Variants in FAM135B observed in about 807,000 individuals in gnomAD.
The protein encoded by FAM135B is family with sequence similarity 135 member B.
A neutral mutation model predicts 127.7 loss-of-function variants in FAM135B; 43 were observed. The observed-to-expected ratio is 0.34, with a 90% CI of 0.26 to 0.43. FAM135B has a LOEUF of 0.43. Ranked by LOEUF, FAM135B falls within the 20% of genes least tolerant of loss-of-function variation. The pLI is 1.00. For missense variants in FAM135B, 1,558 were observed against 1,725.6 expected (o/e 0.90, Z 1.72); for synonymous variants, 670 against 665.1 (o/e 1.01, Z -0.11).
At chr8:138,279,573 C>T (rs1824101204) in intron 3 of FAM135B, among the ~76,000 whole-genome samples, 2 of 152,182 alleles carry the variant, frequency 1.3e-5, no homozygotes, top group African/African-American at 2.4e-5. Context: ...CATGCACTTG[C>T]AAATCATTTA....
chr8:138,243,011 T>C lies in FAM135B; in HGVS notation c.600A>G (p.Gln200=). 6.2e-7 allele frequency: 1 copy of C among 1,613,994 alleles called. No homozygotes were observed. The highest frequency in any genetic ancestry group is 8.5e-7 in the Non-Finnish European group (1 of 1,179,950). Residue 200 remains glutamine (Q), a synonymous_variant, in exon 7 of 20, where the codon CAA becomes CAG. Transcript: ENST00000395297. The surrounding 1 kb of genome is among the most constrained non-coding windows in gnomAD (Gnocchi z 7.5). The part of the protein sequence containing the change: ...WLGKGGPDTG[Q]EQSIISLENL... The stretch of plus-strand genomic sequence containing the variant: ...TTTCCAGAGAAATGATAGACTGTTC[T>C]TGTCCGGTGTCTGGGCCACCTTTAC...
intron 4 of FAM135B, among the ~76,000 whole-genome samples, chr8:138,260,429 C>G (rs190088401): frequency 7.9e-5 from 12 of 152,202 alleles, no homozygotes; most frequent in Non-Finnish European, 1.6e-4. Flanking sequence ...CTAGTGCCCC[C>G]GCGAAAGGGG....
At chr8:138,263,118 C>A (rs969274060) in intron 4 of FAM135B, among the ~76,000 whole-genome samples, 1 of 151,958 alleles carries the variant, frequency 6.6e-6, no homozygotes, top group African/African-American at 2.4e-5. Flanking sequence ...TAACAACTGG[C>A]TCTCTGAAGA....
intron 1 of FAM135B, among the ~76,000 whole-genome samples, chr8:138,396,281 C>T (rs1832848769): frequency 4.6e-5 from 7 of 152,186 alleles, no homozygotes; most frequent in South Asian, 4.2e-4. Flanking sequence ...CAGTGGCCAG[C>T]GTGTGGCAGG....
At chr8:138,389,486 C>T (rs377734388) in intron 1 of FAM135B, among the ~76,000 whole-genome samples, 64 of 152,240 alleles carry the variant, frequency 4.2e-4, no homozygotes, top group African/African-American at 1.5e-3. Context: ...ATTATTCAGC[C>T]ATCAAAAGTG....
chr8:138,311,309 T>A (rs1170499104), intron 2 of FAM135B, among the ~76,000 whole-genome samples: 1 of 152,222 alleles, frequency 6.6e-6, no homozygotes, highest in Non-Finnish European at 1.5e-5. Context: ...AAATTGAGTT[T>A]CTATCATATT....
chr8:138,339,270 A>T (rs1026875033), intron 2 of FAM135B, among the ~76,000 whole-genome samples: 12 of 151,928 alleles, frequency 7.9e-5, no homozygotes, highest in Non-Finnish European at 1.6e-4. Context: ...TTAAAAAAAA[A>T]CCTAAATAAT....
intron 2 of FAM135B, among the ~76,000 whole-genome samples, chr8:138,357,698 ACT>A (rs1830178475): frequency 6.6e-6 from 1 of 151,990 alleles, no homozygotes; most frequent in South Asian, 2.1e-4. Context: ...GAAGGATCCC[ACT>A]CTCTTTCTTA....
chr8:138,146,457 G>T (rs1421156596), intron 14 of FAM135B, among the ~76,000 whole-genome samples: 1 of 152,168 alleles, frequency 6.6e-6, no homozygotes, highest in Non-Finnish European at 1.5e-5. Flanking sequence ...TTACTTAAAA[G>T]GAAGACTATC....
In FAM135B at chr8:138,167,971, C is replaced by T; in HGVS notation, c.1182G>A (p.Glu394=). The change falls in exon 12 of 20, where the codon GAG becomes GAA. Residue 394 remains glutamate (E), a synonymous_variant. Transcript: ENST00000395297. The part of the protein sequence containing the change: ...YLTSMPPLPA[E]CLDIDGDWNT... Reference sequence around the variant, plus strand: ...TCCAATCGCCGTCGATGTCCAGGCACTCTGCAGGCAGCGGGGGCATGCTAG... The same window carrying T: ...TCCAATCGCCGTCGATGTCCAGGCATTCTGCAGGCAGCGGGGGCATGCTAG... 1.2e-6 allele frequency: 2 copies of T among 1,614,086 alleles called. No homozygotes were observed. The highest frequency in any genetic ancestry group is 2.7e-5 in the African/African-American group (2 of 75,030).
intron 12 of FAM135B, among the ~76,000 whole-genome samples, chr8:138,165,174 G>A (rs918549373): frequency 6.6e-6 from 1 of 150,924 alleles, no homozygotes; most frequent in African/African-American, 2.4e-5. Flanking sequence ...AGGCTGGAGT[G>A]CAATGGCGGG....
intron 5 of FAM135B, among the ~76,000 whole-genome samples, chr8:138,253,041 T>C (rs1821819429): frequency 6.6e-6 from 1 of 152,136 alleles, no homozygotes; most frequent in Non-Finnish European, 1.5e-5. Context: ...CCTCAAGTGA[T>C]CCTCCTGCCT....
intron 9 of FAM135B, among the ~76,000 whole-genome samples, chr8:138,181,251 GAAGAA>G (rs1375121988): frequency 6.6e-6 from 1 of 151,994 alleles, no homozygotes; most frequent in Admixed American, 6.6e-5. Context: ...AAAAAATAAA[GAAGAA>G]AAGAAAAGTA....
At chr8:138,305,932 C>A (rs1826219625) in intron 3 of FAM135B, among the ~76,000 whole-genome samples, 1 of 152,022 alleles carries the variant, frequency 6.6e-6, no homozygotes, top group Admixed American at 6.5e-5. Flanking sequence ...TATATGTATA[C>A]ATATGCATGT....
chr8:138,447,301 C>T (rs1008208347), intron 1 of FAM135B, among the ~76,000 whole-genome samples: 2 of 152,194 alleles, frequency 1.3e-5, no homozygotes, highest in African/African-American at 4.8e-5. Context: ...CATCCCATTA[C>T]TGGGTATATA....
chr8:138,188,237 G>A (rs781141232), intron 9 of FAM135B, among the ~76,000 whole-genome samples: 2 of 152,178 alleles, frequency 1.3e-5, no homozygotes, highest in African/African-American at 2.4e-5. Context: ...TGAGTTCTCT[G>A]AGCCATTCAC....
At chr8:138,383,531 A>C (rs968915538) in intron 1 of FAM135B, among the ~76,000 whole-genome samples, 3 of 152,202 alleles carry the variant, frequency 2.0e-5, no homozygotes, top group East Asian at 1.9e-4. Flanking sequence ...TGAGAATGGG[A>C]GTAATAGAAT....
intron 7 of FAM135B, among the ~76,000 whole-genome samples, chr8:138,211,156 G>A (rs1818112546): frequency 6.6e-6 from 1 of 152,198 alleles, no homozygotes; most frequent in South Asian, 2.1e-4. Context: ...CGACATGGGA[G>A]ACCACTTAGT....
chr8:138,459,986 G>T (rs1837033353), intron 1 of FAM135B, among the ~76,000 whole-genome samples: 1 of 152,148 alleles, frequency 6.6e-6, no homozygotes, highest in African/African-American at 2.4e-5. Context: ...TCCTCAATTT[G>T]AGATAAGGAT....
Sources: gnomAD v4.1 joint callset for allele counts (sites outside exome capture counted in the v4.1 genomes callset) on GRCh38, gnomAD v4.1.1 for gene constraint, Gnocchi (gnomAD v3.1) non-coding constraint, MANE v1.5 for transcripts, NCBI Gene and HGNC (gene_info 2026-07-23, HGNC 2026-07-21) for gene names.